TLE1: variants seen among roughly 807,000 people sequenced by gnomAD.
TLE1 encodes the protein transducin-like enhancer protein 1.
A neutral mutation model predicts 89.8 loss-of-function variants in TLE1; 21 were observed. That is an observed-to-expected ratio of 0.23 (90% CI 0.17 to 0.34). The LOEUF is 0.34. Among genes scored for constraint, TLE1 ranks in the 10% least tolerant of loss-of-function variants. TLE1 has a pLI of 1.00. For missense variants in TLE1, 795 were observed against 1,031.2 expected (o/e 0.77, Z 3.14); for synonymous variants, 447 against 407.6 (o/e 1.10, Z -1.16).
Position 81,617,893 on chromosome 9 carries a change from G to A in TLE1, c.712-1194C>T, listed in dbSNP as rs138174927. Among the ~76,000 whole-genome samples, 1,176 of 152,106 alleles carry A rather than the reference G, an allele frequency of 7.7e-3. 9 individuals are homozygous for A. Among genetic ancestry groups the A allele is most frequent in the South Asian group, 0.012 (59 of 4,802 alleles). ...ACAAAAATTAGCTGGGTTTAGTGGC[G>A]TGCATCTGTTAATCCCAGCTACTCC... On this transcript the variant is annotated intron_variant, in intron 9 of 19. Coordinates refer to ENST00000376499, the MANE Select transcript of TLE1 (RefSeq NM_005077.5).
At chr9:81,678,129 C>CT (rs987604253) in intron 4 of TLE1, among the ~76,000 whole-genome samples, 1 of 152,080 alleles carries the variant, frequency 6.6e-6, no homozygotes, top group African/African-American at 2.4e-5. Context: ...ACTATGAGAC[C>CT]TTACAGGGGA....
intron 12 of TLE1, 41 bp from the exon 13 acceptor site, chr9:81,612,000 C>T: frequency 7.2e-7 from 1 of 1,386,870 alleles, no homozygotes; most frequent in Non-Finnish European, 9.5e-7. Context: ...AACTGACCCA[C>T]TCCATCAAAC....
chr9:81,656,291 A>C (rs1830139657), intron 4 of TLE1, among the ~76,000 whole-genome samples: 1 of 152,162 alleles, frequency 6.6e-6, no homozygotes, highest in Non-Finnish European at 1.5e-5. Flanking sequence ...AGGGTTCTGC[A>C]CTGTCTATTT....
chr9:81,680,390 T>C (rs1474125140), intron 4 of TLE1, among the ~76,000 whole-genome samples: 2 of 152,338 alleles, frequency 1.3e-5, no homozygotes, highest in Non-Finnish European at 2.9e-5. Context: ...GTCCTCACCC[T>C]ATTCCCAACT....
rs937639749 is a variant in TLE1, at chr9:81,637,024, G to GA, written c.373-2724dup. Among the ~76,000 whole-genome samples, 616 of 148,430 alleles carry GA rather than the reference G, an allele frequency of 4.2e-3. 5 individuals carry two copies. The highest frequency in any genetic ancestry group is 0.014 in the African/African-American group (565 of 39,844). On this transcript the variant is annotated intron_variant, in intron 6 of 19. Transcript: ENST00000376499. ...TCTCAAAAAAAAAAAAAAGAAAAAA[G>GA]AAAAAAAAAGATTTCCCCTCCCATA...
intron 6 of TLE1, among the ~76,000 whole-genome samples, chr9:81,639,194 G>A (rs1827778505): frequency 6.7e-6 from 1 of 149,630 alleles, no homozygotes; most frequent in Non-Finnish European, 1.5e-5. Context: ...CCAAAGTGCT[G>A]GGATTACAGG....
chr9:81,589,521 A>C (rs902236550), intron 16 of TLE1, among the ~76,000 whole-genome samples: 3 of 152,172 alleles, frequency 2.0e-5, no homozygotes. Context: ...TTTACTCCCC[A>C]GGAGCCGGCA....
intron 4 of TLE1, among the ~76,000 whole-genome samples, chr9:81,662,433 G>A (rs1178071251): frequency 1.3e-5 from 2 of 149,552 alleles, no homozygotes; most frequent in South Asian, 2.1e-4. Flanking sequence ...TGTGGCTCAC[G>A]CCTGTAATCC....
rs141608977 is a variant in TLE1, at chr9:81,624,983, G to A, written c.595-4426C>T. Among the ~76,000 whole-genome samples, 22 of 152,202 alleles carry A rather than the reference G, an allele frequency of 1.4e-4. No homozygotes were observed. In the East Asian group the frequency reaches 4.3e-3, roughly 29 times the overall value. On this transcript the variant is annotated intron_variant, in intron 8 of 19. Coordinates refer to ENST00000376499, the MANE Select transcript of TLE1 (RefSeq NM_005077.5). The stretch of plus-strand genomic sequence containing the variant: ...TTGTGGGTACAGGGTCAAGTACCCT[G>A]TACATAAAGGGAGAAGCATATCTGA...
intron 6 of TLE1, among the ~76,000 whole-genome samples, chr9:81,642,118 A>T (rs1414354456): frequency 1.3e-5 from 2 of 152,208 alleles, no homozygotes; most frequent in African/African-American, 4.8e-5. Flanking sequence ...GGTGTGGAGA[A>T]AAGGAAACCT....
At chr9:81,619,082 G>A (rs1312003160) in intron 9 of TLE1, among the ~76,000 whole-genome samples, 1 of 152,174 alleles carries the variant, frequency 6.6e-6, no homozygotes. Context: ...GCCTCATGAA[G>A]GGCAATTCAG....
In TLE1 at chr9:81,633,562, T is replaced by C; in HGVS notation, c.578-198A>G. On this transcript the variant is annotated intron_variant, in intron 7 of 19. Transcript: ENST00000376499. ...TACAGTATTTTGTAAACATAAGATT[T>C]ACAGTTTAACCATACACAAAGCCTA... 7.1e-6 allele frequency: 5 copies of C among 706,698 alleles called. No individual in the cohort carries two copies. In the South Asian group the frequency reaches 1.1e-4, roughly 15 times the overall value. The allele number at this position is 706,698 out of a possible 1,614,324, so 43.8% of individuals were successfully genotyped here. A position where few individuals can be genotyped will look rare whatever the true frequency, so the allele number is the denominator to read the frequency against.
intron 6 of TLE1, 66 bp from the exon 7 acceptor site, chr9:81,634,367 G>GCCTCCATCGCCATC: frequency 7.6e-7 from 1 of 1,316,254 alleles, no homozygotes; most frequent in Non-Finnish European, 1.0e-6. Context: ...CAGTGATGGC[G>GCCTCCATCGCCATC]ATGGAGGCGG....
intron 15 of TLE1, 92 bp downstream of exon 15, chr9:81,592,933 A>G (rs1829746941): frequency 1.3e-6 from 2 of 1,497,972 alleles, no homozygotes; most frequent in South Asian, 1.4e-5. Context: ...CTATTTCCTC[A>G]TAATGGGAAT....
chr9:81,686,593 T>A (rs778979755), intron 2 of TLE1, among the ~76,000 whole-genome samples: 1 of 152,150 alleles, frequency 6.6e-6, no homozygotes, highest in Non-Finnish European at 1.5e-5. Context: ...AAGCAAAAAA[T>A]GTCAATACAG....
chr9:81,664,590 A>G (rs1831220733), intron 4 of TLE1, among the ~76,000 whole-genome samples: 1 of 152,070 alleles, frequency 6.6e-6, no homozygotes, highest in Admixed American at 6.5e-5. Flanking sequence ...GGTCGGGCAC[A>G]GTGGCTCACG....
chr9:81,610,155 G>C, intron 14 of TLE1, 65 bp downstream of exon 14: 1 of 1,405,836 alleles, frequency 7.1e-7, no homozygotes, highest in Non-Finnish European at 1.0e-6. Flanking sequence ...TGGAATTCTA[G>C]TCTGCTAATA....
chr9:81,632,505 A>AAT, intron 8 of TLE1, among the ~76,000 whole-genome samples: 1 of 139,236 alleles, frequency 7.2e-6, no homozygotes, highest in Non-Finnish European at 1.5e-5. Flanking sequence ...TTACCATATT[A>AAT]AACACAGTCA....
In TLE1 at chr9:81,648,502, GA is replaced by G. The variant is rs375457973; in HGVS notation, c.372+3711del. On this transcript the variant is annotated intron_variant, in intron 6 of 19. Transcript: ENST00000376499. ...ACTATATTACAATTATACATCAACTGAAAAAAACAAATATATGTGTGTACAG... is the reference window on the plus strand; with the variant it reads ...ACTATATTACAATTATACATCAACTGAAAAAACAAATATATGTGTGTACAG... Among the ~76,000 whole-genome samples, 7 of 151,982 alleles carry G rather than the reference GA, an allele frequency of 4.6e-5. No individual in the cohort carries two copies. In the South Asian group the frequency reaches 1.2e-3, roughly 27 times the overall value.
Sources: allele counts gnomAD v4.1 joint callset (sites outside exome capture counted in the v4.1 genomes callset), GRCh38; gene constraint gnomAD v4.1.1; transcripts MANE v1.5; gene names NCBI Gene and HGNC (gene_info 2026-07-23, HGNC 2026-07-21).